The following C7orf78 variants were observed in gnomAD, a reference collection of about 807,000 sequenced individuals.
C7orf78 encodes putative uncharacterized protein C7orf78.
the C7orf78 span, among the ~76,000 whole-genome samples, chr7:12,528,436 G>A: frequency 4.7e-5 from 7 of 150,348 alleles, no homozygotes; most frequent in East Asian, 2.0e-4. Flanking sequence ...AATGGAACAT[G>A]TCAGCTTTCC....
chr7:12,518,297 G>A, the C7orf78 span, among the ~76,000 whole-genome samples: 1 of 152,178 alleles, frequency 6.6e-6, no homozygotes, highest in Non-Finnish European at 1.5e-5. Flanking sequence ...CCTGGGTGGT[G>A]TATGCTGGCA....
chr7:12,521,946 C>T, the C7orf78 span, among the ~76,000 whole-genome samples: 1 of 151,440 alleles, frequency 6.6e-6, no homozygotes. Context: ...ATGGCATAGC[C>T]CTTTATAAAA....
At chr7:12,537,731 A>G in the C7orf78 span, among the ~76,000 whole-genome samples, 1 of 152,180 alleles carries the variant, frequency 6.6e-6, no homozygotes, top group African/African-American at 2.4e-5. Context: ...AGACAAGTCC[A>G]ATGCCAATAA....
chr7:12,497,842 G>T, the C7orf78 span, among the ~76,000 whole-genome samples: 2 of 151,010 alleles, frequency 1.3e-5, no homozygotes, highest in African/African-American at 4.9e-5. Flanking sequence ...CTGTCTGACA[G>T]CTTTGAAGAG....
chr7:12,506,258 G>T, the C7orf78 span, among the ~76,000 whole-genome samples: 1 of 152,188 alleles, frequency 6.6e-6, no homozygotes, highest in Admixed American at 6.5e-5. Flanking sequence ...TCTAGAGCTA[G>T]AAATACCATT....
the C7orf78 span, among the ~76,000 whole-genome samples, chr7:12,513,653 T>G: frequency 6.6e-6 from 1 of 152,190 alleles, no homozygotes; most frequent in Non-Finnish European, 1.5e-5. Flanking sequence ...TGACATCTTT[T>G]GTGGTTTAAC....
chr7:12,525,410 G>A, the C7orf78 span, among the ~76,000 whole-genome samples: 2 of 152,070 alleles, frequency 1.3e-5, no homozygotes, highest in Non-Finnish European at 2.9e-5. Context: ...AAGAAGTTCA[G>A]CTCCAGAAAA....
At chr7:12,500,239 C>T in the C7orf78 span, among the ~76,000 whole-genome samples, 1 of 151,888 alleles carries the variant, frequency 6.6e-6, no homozygotes, top group African/African-American at 2.4e-5. Flanking sequence ...TCAGGCAGAA[C>T]TGAAGGAAAT....
the C7orf78 span, among the ~76,000 whole-genome samples, chr7:12,497,153 T>G: frequency 1.3e-5 from 2 of 151,488 alleles, no homozygotes; most frequent in East Asian, 1.9e-4. Flanking sequence ...CAAAGAAGAG[T>G]AAGTAACTAG....
chr7:12,487,174 T>G, the C7orf78 span: 1 of 152,074 alleles, frequency 6.6e-6, no homozygotes, highest in South Asian at 2.1e-4. Flanking sequence ...TGAAATAATT[T>G]GGGGAATAAT....
At chr7:12,499,516 A>C in the C7orf78 span, among the ~76,000 whole-genome samples, 1 of 148,912 alleles carries the variant, frequency 6.7e-6, no homozygotes, top group Non-Finnish European at 1.5e-5. Context: ...GATCAATTCA[A>C]CAAGAAGAGC....
the C7orf78 span, among the ~76,000 whole-genome samples, chr7:12,504,762 C>G: frequency 6.6e-6 from 1 of 151,952 alleles, no homozygotes. Flanking sequence ...AGAGAAAGCC[C>G]TGCTAAAAGA....
At chr7:12,527,191 T>A in the C7orf78 span, among the ~76,000 whole-genome samples, 1 of 142,490 alleles carries the variant, frequency 7.0e-6, no homozygotes, top group African/African-American at 2.8e-5. Context: ...TCCTAGTATA[T>A]GCTATGTGTC....
the C7orf78 span, chr7:12,483,878 CAA>C: frequency 0.2 from 23,862 of 116,894 alleles, 2,490 homozygotes; most frequent in Middle Eastern, 0.27. Flanking sequence ...AACTCCATCT[CAA>C]AAAAAAAAAA....
At chr7:12,506,654 T>TG in the C7orf78 span, 2 of 193,438 alleles carry the variant, frequency 1.0e-5, no homozygotes, top group South Asian at 1.5e-4. Context: ...GGTGGGAGGC[T>TG]GGGGGAGGGA....
the C7orf78 span, among the ~76,000 whole-genome samples, chr7:12,520,797 T>C: frequency 9.9e-5 from 15 of 152,284 alleles, no homozygotes; most frequent in Admixed American, 5.9e-4. Context: ...GTCTAGAAGT[T>C]CTGTTTATTT....
the C7orf78 span, among the ~76,000 whole-genome samples, chr7:12,511,921 T>G: frequency 1.9e-5 from 1 of 53,462 alleles, no homozygotes; most frequent in African/African-American, 7.8e-5. Context: ...CTGGCTAATT[T>G]TTTTTTTTTT....
the C7orf78 span, among the ~76,000 whole-genome samples, chr7:12,534,596 G>A: frequency 5.9e-5 from 9 of 152,176 alleles, no homozygotes; most frequent in South Asian, 1.9e-3. Context: ...CAAGAAAATG[G>A]TTTATATTAA....
At chr7:12,524,671 C>T in the C7orf78 span, among the ~76,000 whole-genome samples, 4 of 151,906 alleles carry the variant, frequency 2.6e-5, no homozygotes, top group Non-Finnish European at 4.4e-5. Context: ...GGTGAAACCC[C>T]GTCTTTACTA....
Sources: gnomAD v4.1 joint callset for allele counts (sites outside exome capture counted in the v4.1 genomes callset) on GRCh38, gnomAD v4.1.1 for gene constraint, MANE v1.5 for transcripts, NCBI Gene and HGNC (gene_info 2026-07-23, HGNC 2026-07-21) for gene names.